The following DCUN1D4 variants were observed in gnomAD, a reference collection of about 807,000 sequenced individuals.
DCUN1D4 encodes DCN1-like protein 4.
Under a neutral mutation model 47.9 loss-of-function variants are expected in DCUN1D4, and 22 were observed. The ratio of observed to expected loss-of-function variants is 0.46; its 90% CI spans 0.33 to 0.66. The LOEUF (loss-of-function observed/expected upper bound fraction) is 0.66. Ranked by LOEUF, DCUN1D4 falls within the 30% of genes least tolerant of loss-of-function variation. The pLI is 0.02. For missense variants in DCUN1D4, 301 were observed against 340.8 expected (o/e 0.88, Z 0.92); for synonymous variants, 121 against 112.2 (o/e 1.08, Z -0.50).
intron 1 of DCUN1D4, among the ~76,000 whole-genome samples, chr4:51,843,931 T>C (rs1341433604): frequency 3.3e-5 from 2 of 60,388 alleles, no homozygotes; most frequent in African/African-American, 1.6e-4. Context: ...TGGGGTGTAA[T>C]GGTAGTTGGG....
Position 51,848,148 on chromosome 4 carries a change from A to AT in DCUN1D4, c.25+4887dup, listed in dbSNP as rs1317636823. ...AAGCTTTCACCTACTCATTCTTTGC[A>AT]TTTTTTAGACAAAGTCAGTTGTATG... On this transcript the variant is annotated intron_variant, in intron 1 of 10. Transcript: ENST00000334635. The AT allele has an allele frequency of 3.2e-6, 4 of 1,261,132 alleles. No individual in the cohort carries two copies. The African/African-American group carries it at 4.6e-5, about 15-fold the overall frequency. 78.1% of individuals were successfully genotyped at this position (1,261,132 alleles called of 1,614,324 possible). A position where few individuals can be genotyped will look rare whatever the true frequency, so the allele number is the denominator to read the frequency against.
rs186212800 is a variant in DCUN1D4 at position 51,877,253 on chromosome 4, T to C, written c.252-510T>C. Among the ~76,000 whole-genome samples the C allele has an allele frequency of 2.6e-5, 4 of 152,372 alleles. No individual in the cohort carries two copies. The East Asian group carries it at 5.8e-4, about 22-fold the overall frequency. On this transcript the variant is annotated intron_variant, in intron 4 of 10. Coordinates refer to ENST00000334635, the MANE Select transcript of DCUN1D4 (RefSeq NM_001040402.3). The stretch of plus-strand genomic sequence containing the variant: ...TCTTTGTCAGCCTTACATCAAAGTT[T>C]ATTTTTTTCCCGGAAGCTTGGACAT...
intron 7 of DCUN1D4, among the ~76,000 whole-genome samples, chr4:51,896,889 CT>C (rs1388103122): frequency 6.6e-6 from 1 of 152,208 alleles, no homozygotes; most frequent in African/African-American, 2.4e-5. Context: ...AAAACCCTCA[CT>C]GTGGACTACA....
In DCUN1D4 at chr4:51,899,363, G is replaced by T; in HGVS notation, c.600G>T (p.Ala200=). 1 of 1,606,662 alleles carries T rather than the reference G, an allele frequency of 6.2e-7. No individual in the cohort carries two copies. Among genetic ancestry groups the T allele is most frequent in the East Asian group, 2.2e-5 (1 of 44,588 alleles). ...STNFKLIYRY[A]FDFAREKDQR... is the part of the protein sequence containing the mutation. ...ACTTTAAACTTATTTACAGATATGC[G>T]TTTGACTTTGCACGGGTGAGTTCTC... is the stretch of plus-strand genomic sequence containing the variant. The change falls in exon 8 of 11, where the codon GCG becomes GCT. Residue 200 remains alanine (A), a synonymous_variant. Coordinates refer to ENST00000334635, the MANE Select transcript of DCUN1D4 (RefSeq NM_001040402.3).
intron 1 of DCUN1D4, among the ~76,000 whole-genome samples, chr4:51,850,662 A>G (rs970726379): frequency 1.3e-5 from 2 of 152,016 alleles, no homozygotes; most frequent in South Asian, 4.2e-4. Context: ...GAGGGGGCAG[A>G]TAGTAACAAG....
intron 1 of DCUN1D4, among the ~76,000 whole-genome samples, chr4:51,854,105 G>T (rs1261839635): frequency 6.6e-6 from 1 of 152,170 alleles, no homozygotes; most frequent in Admixed American, 6.5e-5. Flanking sequence ...TTACAGTATA[G>T]AAAACATTTC....
At chr4:51,910,084 G>T (rs1283395366) in intron 8 of DCUN1D4, among the ~76,000 whole-genome samples, 1 of 152,154 alleles carries the variant, frequency 6.6e-6, no homozygotes, top group Non-Finnish European at 1.5e-5. Context: ...AGATTCCACT[G>T]CACTGGGCTA....
chr4:51,844,831 T>G (rs1577808323), intron 1 of DCUN1D4: 3 of 985,076 alleles, frequency 3.0e-6, no homozygotes, highest in Non-Finnish European at 3.6e-6. Context: ...TGCACGTGGG[T>G]AACTGTGGAA....
intron 3 of DCUN1D4, 49 bp from the exon 4 acceptor site, chr4:51,874,222 T>G (rs1255934236): frequency 7.9e-7 from 1 of 1,270,524 alleles, no homozygotes; most frequent in Non-Finnish European, 1.1e-6. Context: ...AAGTACAGAG[T>G]TAGGATGTAG....
At chr4:51,837,303 G>A in the DCUN1D4 span, among the ~76,000 whole-genome samples, 3 of 152,212 alleles carry the variant, frequency 2.0e-5, no homozygotes, top group African/African-American at 4.8e-5. Context: ...GTCAGTTTAA[G>A]AATTCTATGG....
intron 1 of DCUN1D4, among the ~76,000 whole-genome samples, chr4:51,862,393 CAG>C (rs1446417995): frequency 6.6e-6 from 1 of 152,222 alleles, no homozygotes; most frequent in East Asian, 1.9e-4. Context: ...AGTAGCAGCA[CAG>C]AGGATCCAGC....
At chr4:51,850,596 A>G (rs1403064027) in intron 1 of DCUN1D4, among the ~76,000 whole-genome samples, 2 of 152,312 alleles carry the variant, frequency 1.3e-5, no homozygotes, top group Non-Finnish European at 2.9e-5. Context: ...TTGGGTATCT[A>G]CTATGTACCA....
intron 7 of DCUN1D4, among the ~76,000 whole-genome samples, chr4:51,893,761 G>C (rs1319858723): frequency 6.6e-6 from 1 of 152,198 alleles, no homozygotes; most frequent in Non-Finnish European, 1.5e-5. Flanking sequence ...GCTTTTTAAA[G>C]TGTCCTTGTG....
intron 8 of DCUN1D4, among the ~76,000 whole-genome samples, chr4:51,906,322 A>G (rs1197706777): frequency 6.6e-6 from 1 of 152,150 alleles, no homozygotes; most frequent in Admixed American, 6.5e-5. Context: ...CACAATGGCC[A>G]AACCAGAAAT....
intron 8 of DCUN1D4, among the ~76,000 whole-genome samples, chr4:51,906,647 G>A (rs559843789): frequency 5.3e-5 from 8 of 152,166 alleles, no homozygotes; most frequent in Non-Finnish European, 7.3e-5. Flanking sequence ...CTGGGTGACA[G>A]TAAGAATAAG....
chr4:51,873,701 C>G (rs1727245535), intron 3 of DCUN1D4, among the ~76,000 whole-genome samples: 1 of 152,114 alleles, frequency 6.6e-6, no homozygotes, highest in Non-Finnish European at 1.5e-5. Context: ...AACTGAAAAC[C>G]CTGACTGAAT....
the DCUN1D4 span, among the ~76,000 whole-genome samples, chr4:51,837,352 T>A: frequency 1.6e-4 from 24 of 152,350 alleles, no homozygotes; most frequent in African/African-American, 5.3e-4. Context: ...GACTTGCTAA[T>A]GCTACCCTGA....
chr4:51,859,435 A>G (rs1003321658), intron 1 of DCUN1D4, among the ~76,000 whole-genome samples: 1 of 152,060 alleles, frequency 6.6e-6, no homozygotes, highest in Admixed American at 6.5e-5. Context: ...AGAGTAAACT[A>G]TTAGGACTGT....
intron 1 of DCUN1D4, among the ~76,000 whole-genome samples, chr4:51,846,613 C>T (rs1238895467): frequency 2.0e-5 from 3 of 152,322 alleles, no homozygotes; most frequent in Admixed American, 6.5e-5. Context: ...ATCCTGCTAA[C>T]TTAGCAGTAT....
Sources: allele counts gnomAD v4.1 joint callset (sites outside exome capture counted in the v4.1 genomes callset), GRCh38; gene constraint gnomAD v4.1.1; transcripts MANE v1.5; gene names NCBI Gene and HGNC (gene_info 2026-07-23, HGNC 2026-07-21).